JAZF1: variants seen among roughly 807,000 people sequenced by gnomAD.
JAZF1 encodes the protein JAZF zinc finger 1, also known as juxtaposed with another zinc finger protein 1.
In JAZF1, 8 loss-of-function variants were observed where a neutral mutation model predicts 26.4. The observed-to-expected ratio is 0.30, with a 90% CI of 0.18 to 0.55. JAZF1 has a LOEUF of 0.55. Ranked by LOEUF, JAZF1 falls within the 20% of genes least tolerant of loss-of-function variation. JAZF1 has a pLI of 0.94. For synonymous variants in JAZF1, 126 were observed against 122.3 expected, an observed-to-expected ratio of 1.03 and a Z score of -0.20; for missense variants, 199 against 322.0, an observed-to-expected ratio of 0.62 and a Z score of 2.92.
chr7:27,972,440 A>G (rs1785390627), intron 2 of JAZF1, among the ~76,000 whole-genome samples: 1 of 152,158 alleles, frequency 6.6e-6, no homozygotes, highest in African/African-American at 2.4e-5. Flanking sequence ...GGATGGGGGT[A>G]AGAGGTGAGG....
chr7:28,180,504 G>T lies in JAZF1; in HGVS notation c.74C>A (p.Thr25Asn). The change falls in exon 1 of 5, where the codon ACC (threonine) becomes AAC (asparagine). Residue 25 changes from threonine (T) to asparagine (N), a missense_variant. Coordinates refer to ENST00000283928, the MANE Select transcript of JAZF1 (RefSeq NM_175061.4). The stretch of plus-strand genomic sequence containing the variant: ...GATGTGCTCGATGAGGTCGGCCAGG[G>T]TGGGGAAGTGGAGTCCGCAGCCCCC... ...RFGGCGLHFP[T>N]LADLIEHIED... 6.2e-7 allele frequency: 1 copy of T among 1,611,178 alleles called. No homozygotes were observed. Among genetic ancestry groups the T allele is most frequent in the Admixed American group, 1.7e-5 (1 of 59,824 alleles).
At chr7:28,006,756 G>C (rs1310795091) in intron 1 of JAZF1, among the ~76,000 whole-genome samples, 2 of 152,160 alleles carry the variant, frequency 1.3e-5, no homozygotes, top group African/African-American at 4.8e-5. Context: ...CACATTTGCT[G>C]CTTCCCCTGA....
Position 28,079,427 on chromosome 7 carries a change from A to T in JAZF1, c.116-87446T>A, listed in dbSNP as rs532949016. Among the ~76,000 whole-genome samples, 3 of 152,140 alleles carry T rather than the reference A, an allele frequency of 2.0e-5. No homozygotes were observed. The East Asian group carries it at 5.8e-4, about 29-fold the overall frequency. ...TAACTCAAAATACATCTTCAATCCCATTTTTCTCTGACAGACACTGATATA... is the reference window on the plus strand; with the variant it reads ...TAACTCAAAATACATCTTCAATCCCTTTTTTCTCTGACAGACACTGATATA... On this transcript the variant is annotated intron_variant, in intron 1 of 4. Coordinates refer to ENST00000283928, the MANE Select transcript of JAZF1 (RefSeq NM_175061.4).
rs552999925 is a variant in JAZF1 at position 27,903,118 on chromosome 7, T to G, written c.189-7702A>C. ...CCATCTACACTAGCATTTGGTTACT[T>G]TGGGGCACGGAATATTAGGATTTTA... is the stretch of plus-strand genomic sequence containing the variant. On this transcript the variant is annotated intron_variant, in intron 2 of 4. Transcript: ENST00000283928. Among the ~76,000 whole-genome samples the G allele has an allele frequency of 1.6e-4, 25 of 152,258 alleles. No individual in the cohort carries two copies. The South Asian group carries it at 2.9e-3, about 18-fold the overall frequency.
intron 1 of JAZF1, among the ~76,000 whole-genome samples, chr7:28,021,037 T>A (rs749130898): frequency 6.6e-6 from 1 of 152,302 alleles, no homozygotes; most frequent in Middle Eastern, 3.4e-3. Flanking sequence ...GAATCCCAGA[T>A]GGTCCTGAGT....
chr7:28,149,060 CTT>C (rs1282055492), intron 1 of JAZF1, among the ~76,000 whole-genome samples: 1 of 152,174 alleles, frequency 6.6e-6, no homozygotes, highest in Non-Finnish European at 1.5e-5. Context: ...AAAAATAACT[CTT>C]TGTCTCCTGG....
intron 1 of JAZF1, among the ~76,000 whole-genome samples, chr7:28,046,757 T>A (rs1025699462): frequency 6.6e-6 from 1 of 152,234 alleles, no homozygotes; most frequent in Non-Finnish European, 1.5e-5. Context: ...TATTTTGATA[T>A]GTTAAATAGT....
At chr7:27,906,092 ATTTAG>A (rs1784251482) in intron 2 of JAZF1, among the ~76,000 whole-genome samples, 5 of 152,344 alleles carry the variant, frequency 3.3e-5, no homozygotes, top group African/African-American at 1.2e-4. Flanking sequence ...GAACTCTTAA[ATTTAG>A]GTGGAATTGC....
At chr7:28,150,965 AG>A (rs1783103518) in intron 1 of JAZF1, among the ~76,000 whole-genome samples, 1 of 152,220 alleles carries the variant, frequency 6.6e-6, no homozygotes, top group Non-Finnish European at 1.5e-5. Context: ...GAAGTGAAAA[AG>A]TTTTAAGTTA....
At position 27,949,745 on chromosome 7, in the gene JAZF1, G is replaced by C. The variant is rs189232934; in HGVS notation, c.188+42164C>G. ...GCCATTGCACTCTACCCCAGGCAAC[G>C]GAGCAAGACTAGCAAGACTCTGTCT... On this transcript the variant is annotated intron_variant, in intron 2 of 4. Transcript: ENST00000283928. 4.3e-4 allele frequency among the ~76,000 whole-genome samples: 65 copies of C among 152,214 alleles called. No homozygotes were observed. In the South Asian group the frequency reaches 0.013, roughly 31 times the overall value.
intron 1 of JAZF1, among the ~76,000 whole-genome samples, chr7:28,174,040 T>A (rs555639333): frequency 1.4e-4 from 22 of 152,236 alleles, no homozygotes; most frequent in Admixed American, 8.5e-4. Context: ...ACATCTATGG[T>A]TTCCTATCTT....
At chr7:28,137,483 T>C (rs1356729335) in intron 1 of JAZF1, among the ~76,000 whole-genome samples, 2 of 152,302 alleles carry the variant, frequency 1.3e-5, no homozygotes, top group East Asian at 3.9e-4. Flanking sequence ...AAGCAATCCA[T>C]AGCAAATCAG....
At chr7:28,133,999 GTTTA>G (rs1200077673) in intron 1 of JAZF1, among the ~76,000 whole-genome samples, 7 of 152,022 alleles carry the variant, frequency 4.6e-5, no homozygotes, top group Non-Finnish European at 1.0e-4. Flanking sequence ...ACATTATCTT[GTTTA>G]TTTATTTATT....
intron 2 of JAZF1, among the ~76,000 whole-genome samples, chr7:27,911,671 C>T (rs899170002): frequency 3.9e-5 from 6 of 152,152 alleles, no homozygotes; most frequent in Non-Finnish European, 7.3e-5. Flanking sequence ...GCTGTTACAA[C>T]TGATAAGAGC....
intron 1 of JAZF1, among the ~76,000 whole-genome samples, chr7:28,083,180 T>C (rs1373332885): frequency 1.3e-5 from 2 of 152,192 alleles, no homozygotes; most frequent in Non-Finnish European, 2.9e-5. Flanking sequence ...CCCTTCCACA[T>C]GCTCTCTTGG....
At chr7:27,914,386 C>G (rs1416054138) in intron 2 of JAZF1, among the ~76,000 whole-genome samples, 1 of 152,150 alleles carries the variant, frequency 6.6e-6, no homozygotes. Context: ...ATGTTATGCA[C>G]AGCGTGAGGC....
intron 1 of JAZF1, among the ~76,000 whole-genome samples, chr7:28,151,111 ATTTT>A (rs57384411): frequency 2.1e-5 from 3 of 143,782 alleles, no homozygotes; most frequent in Non-Finnish European, 3.1e-5. Context: ...ATATATATAT[ATTTT>A]TTTTTTGAGA....
intron 2 of JAZF1, among the ~76,000 whole-genome samples, chr7:27,986,846 G>A (rs552454570): frequency 2.0e-5 from 3 of 152,256 alleles, no homozygotes; most frequent in Admixed American, 1.3e-4. Flanking sequence ...TGGTGGAGAC[G>A]GGGTTTCGCC....
chr7:28,078,938 CCA>C (rs1168384569), intron 1 of JAZF1, among the ~76,000 whole-genome samples: 4 of 152,056 alleles, frequency 2.6e-5, no homozygotes, highest in African/African-American at 9.7e-5. Context: ...ACCTGAGATG[CCA>C]CATTGTTCCT....
Sources: allele counts gnomAD v4.1 joint callset (sites outside exome capture counted in the v4.1 genomes callset), GRCh38; gene constraint gnomAD v4.1.1; transcripts MANE v1.5; gene names NCBI Gene and HGNC (gene_info 2026-07-23, HGNC 2026-07-21).